The following PIGK variants were observed in gnomAD, a reference collection of about 807,000 sequenced individuals.
PIGK encodes phosphatidylinositol glycan anchor biosynthesis class K.
Under a neutral mutation model 50.6 loss-of-function variants are expected in PIGK, and 42 were observed. The ratio of observed to expected loss-of-function variants is 0.83; its 90% CI spans 0.65 to 1.07. The LOEUF (loss-of-function observed/expected upper bound fraction) is 1.07, where lower values mean the gene tolerates loss of function less well. PIGK is among the 50% of genes least tolerant of loss of function. The pLI, the probability that PIGK is intolerant of heterozygous loss-of-function variation, is 0.00. For synonymous variants in PIGK, 151 were observed against 156.0 expected (o/e 0.97, Z 0.24); for missense variants, 448 against 488.7 (o/e 0.92, Z 0.78).
chr1:77,158,958 A>G (rs924977543), intron 8 of PIGK, among the ~76,000 whole-genome samples: 1 of 152,214 alleles, frequency 6.6e-6, no homozygotes, highest in Non-Finnish European at 1.5e-5. Flanking sequence ...CTAAGTAATG[A>G]GGAGCCAAAT....
At chr1:77,107,556 G>A (rs1653718425) in intron 10 of PIGK, among the ~76,000 whole-genome samples, 1 of 152,166 alleles carries the variant, frequency 6.6e-6, no homozygotes, top group Admixed American at 6.5e-5. Flanking sequence ...TGAGAAGAAT[G>A]TATATTTTGT....
chr1:77,102,581 T>TCTTCCC (rs1252420421), intron 10 of PIGK, among the ~76,000 whole-genome samples: 1 of 152,104 alleles, frequency 6.6e-6, no homozygotes, highest in Non-Finnish European at 1.5e-5. Flanking sequence ...GGAAACTGAT[T>TCTTCCC]CTTCCCCACA....
At chr1:77,183,324 C>T (rs1655664196) in intron 3 of PIGK, among the ~76,000 whole-genome samples, 1 of 152,216 alleles carries the variant, frequency 6.6e-6, no homozygotes, top group Non-Finnish European at 1.5e-5. Flanking sequence ...CCCTCTCCGA[C>T]CCATGCTGCC....
chr1:77,194,617 C>T (rs749225757), intron 3 of PIGK, among the ~76,000 whole-genome samples: 3 of 132,252 alleles, frequency 2.3e-5, no homozygotes, highest in Non-Finnish European at 4.6e-5. Context: ...AGGGAAACAA[C>T]AGACACCAGA....
intron 3 of PIGK, among the ~76,000 whole-genome samples, chr1:77,194,274 T>C (rs1384929072): frequency 6.6e-6 from 1 of 152,182 alleles, no homozygotes; most frequent in East Asian, 1.9e-4. Flanking sequence ...AGTTTGGAGA[T>C]TTCTCAAAGA....
At chr1:77,140,407 C>T (rs189634423) in intron 9 of PIGK, among the ~76,000 whole-genome samples, 1 of 151,898 alleles carries the variant, frequency 6.6e-6, no homozygotes, top group African/African-American at 2.4e-5. Flanking sequence ...TGTGCCTGTT[C>T]CCCATTTGCC....
intron 3 of PIGK, among the ~76,000 whole-genome samples, chr1:77,203,984 A>G (rs1392606078): frequency 6.6e-6 from 1 of 152,218 alleles, no homozygotes; most frequent in African/African-American, 2.4e-5. Context: ...GTGTTTGAAC[A>G]ATATGAAATC....
rs1322461198 is a variant in PIGK at position 77,206,717 on chromosome 1, T to C, written c.162A>G (p.Arg54=). ...NNWAVLVCTS[R]FWFNYRHVAN... is the part of the protein sequence containing the mutation. ...CAACATGTCGATAATTAAACCAGAATCGGGATGTACACACCTGAAGTATTA... is the reference window on the plus strand; with the variant it reads ...CAACATGTCGATAATTAAACCAGAACCGGGATGTACACACCTGAAGTATTA... Residue 54 remains arginine, a synonymous_variant, in exon 3 of 11, where the codon CGA becomes CGG. Transcript: ENST00000370812. 6.2e-7 allele frequency: 1 copy of C among 1,608,538 alleles called. No individual in the cohort carries two copies. The highest frequency in any genetic ancestry group is 2.2e-5 in the East Asian group (1 of 44,828).
intron 3 of PIGK, among the ~76,000 whole-genome samples, chr1:77,192,728 C>T (rs555716106): frequency 4.6e-5 from 7 of 152,160 alleles, no homozygotes; most frequent in Non-Finnish European, 7.4e-5. Flanking sequence ...AAAATTTAGT[C>T]ACAACATGCT....
At chr1:77,203,619 T>C (rs839817) in intron 3 of PIGK, among the ~76,000 whole-genome samples, 5,533 of 152,276 alleles carry the variant, frequency 0.036, 263 homozygotes, top group African/African-American at 0.11. Flanking sequence ...TATTAAAATA[T>C]CTTTAATATC....
At chr1:77,179,049 G>C (rs912615446) in intron 3 of PIGK, among the ~76,000 whole-genome samples, 7 of 152,212 alleles carry the variant, frequency 4.6e-5, no homozygotes, top group Admixed American at 3.3e-4. Context: ...AAATGGAGCT[G>C]CTTGTGCTAA....
chr1:77,127,630 C>G (rs1385049220), intron 9 of PIGK, among the ~76,000 whole-genome samples: 1 of 152,108 alleles, frequency 6.6e-6, no homozygotes, highest in African/African-American at 2.4e-5. Flanking sequence ...AACAAGAAAG[C>G]AGAGACACTG....
intron 8 of PIGK, among the ~76,000 whole-genome samples, chr1:77,159,442 A>C (rs1418093202): frequency 1.3e-5 from 2 of 152,140 alleles, no homozygotes; most frequent in East Asian, 3.9e-4. Context: ...TGGAGCTGTG[A>C]GAAGAGGGCC....
chr1:77,165,935 T>C (rs540611728), intron 5 of PIGK, among the ~76,000 whole-genome samples: 2 of 152,174 alleles, frequency 1.3e-5, no homozygotes, highest in African/African-American at 2.4e-5. Flanking sequence ...AAGGAAGTCA[T>C]GGAAGGGAGT....
In PIGK at chr1:77,179,513, C is replaced by T. The variant is rs566039423; in HGVS notation, c.240-10118G>A. Among the ~76,000 whole-genome samples, 14 of 152,304 alleles carry T rather than the reference C, an allele frequency of 9.2e-5. No homozygotes were observed. The East Asian group carries it at 2.5e-3, about 27-fold the overall frequency. On this transcript the variant is annotated intron_variant, in intron 3 of 10. Coordinates refer to ENST00000370812, the MANE Select transcript of PIGK (RefSeq NM_005482.3). The stretch of plus-strand genomic sequence containing the variant: ...ACTCTTATACTGCTGAGTGCTCAAA[C>T]TGTGTTCAAATAAGGCAAACGCTGA...
intron 9 of PIGK, among the ~76,000 whole-genome samples, chr1:77,125,111 A>G (rs1047113765): frequency 7.9e-5 from 12 of 152,152 alleles, no homozygotes; most frequent in Admixed American, 3.3e-4. Flanking sequence ...GATGAAATAC[A>G]TTTTTTTCTC....
intron 5 of PIGK, among the ~76,000 whole-genome samples, 166 bp downstream of exon 5, chr1:77,166,553 G>A (rs919756664): frequency 2.1e-4 from 32 of 152,118 alleles, no homozygotes; most frequent in African/African-American, 6.8e-4. Flanking sequence ...ATGTTATACT[G>A]TTTTCAGATA....
At chr1:77,144,317 A>C (rs984016416) in intron 9 of PIGK, among the ~76,000 whole-genome samples, 15 of 151,914 alleles carry the variant, frequency 9.9e-5, no homozygotes, top group African/African-American at 3.6e-4. Flanking sequence ...AGAAACCTTA[A>C]GGGTCTCAGA....
chr1:77,127,647 G>A (rs1042551146), intron 9 of PIGK, among the ~76,000 whole-genome samples: 1 of 152,144 alleles, frequency 6.6e-6, no homozygotes, highest in Non-Finnish European at 1.5e-5. Context: ...ACTGTGCTAT[G>A]CTAGAAACAA....
Sources: allele counts gnomAD v4.1 joint callset (sites outside exome capture counted in the v4.1 genomes callset), GRCh38; gene constraint gnomAD v4.1.1; transcripts MANE v1.5; gene names NCBI Gene and HGNC (gene_info 2026-07-23, HGNC 2026-07-21).